CD200R1: variants seen among roughly 807,000 people sequenced by gnomAD.
CD200R1 encodes cell surface glycoprotein CD200 receptor 1.
A neutral mutation model predicts 38.1 loss-of-function variants in CD200R1; 30 were observed. That is an observed-to-expected ratio of 0.79 (90% CI 0.59 to 1.07). CD200R1 has a LOEUF of 1.07. Ranked by LOEUF, CD200R1 falls within the 50% of genes least tolerant of loss-of-function variation. The pLI is 0.00. For missense variants in CD200R1, 372 were observed against 415.4 expected (o/e 0.90, Z 0.91); for synonymous variants, 128 against 152.1 (o/e 0.84, Z 1.16).
intron 1 of CD200R1, among the ~76,000 whole-genome samples, chr3:112,956,306 T>C (rs1015465878): frequency 6.6e-6 from 1 of 152,046 alleles, no homozygotes; most frequent in Non-Finnish European, 1.5e-5. Context: ...CTCTACATTG[T>C]ATTTTTCATT....
Position 112,923,159 on chromosome 3 carries a change from T to G in CD200R1, c.*518A>C, listed in dbSNP as rs1940208073. 1 of 151,992 alleles carries G rather than the reference T, an allele frequency of 6.6e-6. No individual in the cohort carries two copies. The highest frequency in any genetic ancestry group is 2.4e-5 in the African/African-American group (1 of 41,442). The allele number at this position is 151,992 out of a possible 1,614,324, so 9.4% of individuals were successfully genotyped here. Reference sequence around the variant, plus strand: ...TGAGGTAGCTCTACTTGTCATGATATAAAATGATCTCTAAGACTTATATTA... The same window carrying G: ...TGAGGTAGCTCTACTTGTCATGATAGAAAATGATCTCTAAGACTTATATTA... On this transcript the variant is annotated 3_prime_UTR_variant, in exon 8 of 8. Transcript: ENST00000308611.
In CD200R1 at chr3:112,965,319, C is replaced by T. The variant is rs139510434; in HGVS notation, c.67+9472G>A. ...GGAAACCAGATTGAAAGGGGCTGAT[C>T]AGAGGTAATGGAGTCAACAAATGTA... On this transcript the variant is annotated intron_variant, in intron 1 of 7. Transcript: ENST00000308611. Among the ~76,000 whole-genome samples the T allele has an allele frequency of 3.1e-3, 476 of 152,222 alleles. 3 individuals are homozygous for T. The highest frequency in any genetic ancestry group is 0.011 in the African/African-American group (459 of 41,530).
chr3:112,951,725 C>T (rs1267467499), intron 1 of CD200R1, among the ~76,000 whole-genome samples: 1 of 150,444 alleles, frequency 6.6e-6, no homozygotes, highest in Non-Finnish European at 1.5e-5. Context: ...AAAACAATTA[C>T]ATTTTTCTAT....
In CD200R1 at chr3:112,922,251, T is replaced by C. The variant is rs1940184952; in HGVS notation, c.*1426A>G. 1 of 151,992 alleles carries C rather than the reference T, an allele frequency of 6.6e-6. No individual in the cohort carries two copies. The highest frequency in any genetic ancestry group is 2.4e-5 in the African/African-American group (1 of 41,422). The allele number at this position is 151,992 out of a possible 1,614,324, so 9.4% of individuals were successfully genotyped here. ...TGATTGAAGAATGAATATATTTTGT[T>C]TCAATTTCTATCATGATGAAAAAAC... On this transcript the variant is annotated 3_prime_UTR_variant, in exon 8 of 8. Transcript: ENST00000308611.
rs530071590 is a variant in CD200R1 at position 112,921,761 on chromosome 3, A to G, written c.*1916T>C. On this transcript the variant is annotated 3_prime_UTR_variant, in exon 8 of 8. Coordinates refer to ENST00000308611, the MANE Select transcript of CD200R1 (RefSeq NM_138806.4). ...GCCCCATAGTAGAGATTTTCATACA[A>G]TTATTTTCTGTACAATATAATTTAA... The G allele has an allele frequency of 6.6e-6, 1 of 152,166 alleles. No homozygotes were observed. The highest frequency in any genetic ancestry group is 1.9e-4 in the East Asian group (1 of 5,174). 9.4% of individuals were successfully genotyped at this position (152,166 alleles called of 1,614,324 possible). A position where few individuals can be genotyped will look rare whatever the true frequency, so the allele number is the denominator to read the frequency against.
Position 112,927,347 on chromosome 3 carries a change from G to T in CD200R1, c.769+1469C>A, listed in dbSNP as rs143650050. On this transcript the variant is annotated intron_variant, in intron 5 of 7. Transcript: ENST00000308611. Reference sequence around the variant, plus strand: ...AAACTGCTGAGTTAATTTCTGCAGAGCCTGAACAGCCCCAGAGAAAAGGCC... The same window carrying T: ...AAACTGCTGAGTTAATTTCTGCAGATCCTGAACAGCCCCAGAGAAAAGGCC... Among the ~76,000 whole-genome samples the T allele has an allele frequency of 3.9e-5, 6 of 152,202 alleles. No homozygotes were observed. The East Asian group carries it at 1.2e-3, about 29-fold the overall frequency.
intron 1 of CD200R1, among the ~76,000 whole-genome samples, chr3:112,954,562 G>A (rs902372482): frequency 7.2e-5 from 11 of 152,122 alleles, no homozygotes; most frequent in African/African-American, 1.4e-4. Flanking sequence ...CCTCTGGGGA[G>A]GGTAAACGTG....
At chr3:112,955,426 CATATAT>C (rs1941073283) in intron 1 of CD200R1, among the ~76,000 whole-genome samples, 1 of 151,680 alleles carries the variant, frequency 6.6e-6, no homozygotes, top group African/African-American at 2.4e-5. Context: ...ATGTTGGGTA[CATATAT>C]ATATTTACAA....
intron 5 of CD200R1, among the ~76,000 whole-genome samples, chr3:112,928,596 CATT>C (rs1401616014): frequency 6.6e-6 from 1 of 152,076 alleles, no homozygotes; most frequent in African/African-American, 2.4e-5. Flanking sequence ...TAGAAGTGAA[CATT>C]AATAGTAGAA....
intron 1 of CD200R1, among the ~76,000 whole-genome samples, chr3:112,965,630 G>A (rs1372407582): frequency 2.0e-5 from 3 of 152,038 alleles, no homozygotes; most frequent in African/African-American, 2.4e-5. Flanking sequence ...GCACAGTGGC[G>A]CACGCCTGTA....
At chr3:112,972,520 C>T (rs1265444514) in intron 1 of CD200R1, among the ~76,000 whole-genome samples, 1 of 150,778 alleles carries the variant, frequency 6.6e-6, no homozygotes, top group East Asian at 1.9e-4. Context: ...TGAACACACA[C>T]ACAAAAATCT....
rs1260785550 is a variant in CD200R1, at chr3:112,929,229, C to T, written c.481G>A (p.Asp161Asn). 1 of 1,614,172 alleles carries T rather than the reference C, an allele frequency of 6.2e-7. No homozygotes were observed. Among genetic ancestry groups the T allele is most frequent in the Non-Finnish European group, 8.5e-7 (1 of 1,180,026 alleles). The change falls in exon 4 of 8, where the codon GAT becomes AAT. Residue 161 changes from aspartate (D) to asparagine (N), a missense_variant. Coordinates refer to ENST00000308611, the MANE Select transcript of CD200R1 (RefSeq NM_138806.4). ...TGATATCCACGATGGAAATTCCCAT[C>T]AGGTGTTACCATTATGCATCTGTAA... ...GYYRCIMVTP[D>N]GNFHRGYHLQ...
chr3:112,932,208 C>T (rs1184823889), intron 2 of CD200R1, among the ~76,000 whole-genome samples: 1 of 152,146 alleles, frequency 6.6e-6, no homozygotes, highest in Non-Finnish European at 1.5e-5. Context: ...ACACCGTGTC[C>T]TGGGGACTAG....
chr3:112,961,628 C>T (rs1055373104), intron 1 of CD200R1, among the ~76,000 whole-genome samples: 3 of 150,402 alleles, frequency 2.0e-5, no homozygotes, highest in Non-Finnish European at 4.4e-5. Flanking sequence ...AACATGGAAA[C>T]CATAAAGAAA....
intron 1 of CD200R1, among the ~76,000 whole-genome samples, chr3:112,965,858 T>C (rs770421657): frequency 7.6e-4 from 115 of 152,250 alleles, no homozygotes; most frequent in Middle Eastern, 3.4e-3. Context: ...GGAAGCTAAC[T>C]GGTCAGGCAG....
chr3:112,936,464 T>G (rs1325266351), intron 2 of CD200R1, among the ~76,000 whole-genome samples: 1 of 152,144 alleles, frequency 6.6e-6, no homozygotes, highest in Non-Finnish European at 1.5e-5. Context: ...CGCTAGCATC[T>G]GTTGTTTCTG....
chr3:112,923,663 TA>T lies in CD200R1; in HGVS notation c.*13del. On this transcript the variant is annotated 3_prime_UTR_variant, in exon 8 of 8. Coordinates refer to ENST00000308611, the MANE Select transcript of CD200R1 (RefSeq NM_138806.4). ...CTCGTTTGTTGTTGTTTCTTGGTACTAGAGTCCAACAACTTATAAAGTATGG... is the reference window on the plus strand; with the variant it reads ...CTCGTTTGTTGTTGTTTCTTGGTACTGAGTCCAACAACTTATAAAGTATGG... 7.9e-7 allele frequency: 1 copy of T among 1,260,178 alleles called. No homozygotes were observed. The allele number at this position is 1,260,178 out of a possible 1,614,324, so 78.1% of individuals were successfully genotyped here. A position where few individuals can be genotyped will look rare whatever the true frequency, so the allele number is the denominator to read the frequency against.
At chr3:112,960,971 G>A (rs1162869500) in intron 1 of CD200R1, among the ~76,000 whole-genome samples, 1 of 151,990 alleles carries the variant, frequency 6.6e-6, no homozygotes, top group Non-Finnish European at 1.5e-5. Context: ...TATGTTTCAT[G>A]TTCCGACACT....
At chr3:112,946,395 C>G (rs910545524) in intron 2 of CD200R1, among the ~76,000 whole-genome samples, 1 of 152,140 alleles carries the variant, frequency 6.6e-6, no homozygotes, top group Non-Finnish European at 1.5e-5. Context: ...AGAGGGCCAA[C>G]TGTATTTTCA....
Sources: allele counts gnomAD v4.1 joint callset (sites outside exome capture counted in the v4.1 genomes callset), GRCh38; gene constraint gnomAD v4.1.1; transcripts MANE v1.5; gene names NCBI Gene and HGNC (gene_info 2026-07-23, HGNC 2026-07-21).